Variants in CNIH3 observed in about 807,000 individuals in gnomAD.
CNIH3 encodes the protein protein cornichon homolog 3.
CNIH3 carries 14 observed loss-of-function variants against 24.1 expected under a neutral mutation model. The ratio of observed to expected loss-of-function variants is 0.58; its 90% CI spans 0.38 to 0.91. The LOEUF (loss-of-function observed/expected upper bound fraction) is 0.91, where lower values mean the gene tolerates loss of function less well. Ranked by LOEUF, CNIH3 falls within the 40% of genes least tolerant of loss-of-function variation. The pLI is 0.00. For missense variants in CNIH3, 178 were observed against 196.8 expected (o/e 0.90, Z 0.57); for synonymous variants, 68 against 73.8 (o/e 0.92, Z 0.40).
chr1:224,671,716 A>G (rs1685876415), intron 1 of CNIH3, among the ~76,000 whole-genome samples: 2 of 152,264 alleles, frequency 1.3e-5, no homozygotes, highest in African/African-American at 4.8e-5. Flanking sequence ...CAACTACTCC[A>G]TGACATCTGG....
intron 3 of CNIH3, among the ~76,000 whole-genome samples, chr1:224,600,660 C>A (rs892108524): frequency 6.6e-6 from 1 of 152,240 alleles, no homozygotes; most frequent in African/African-American, 2.4e-5. Context: ...CAGGCACCTG[C>A]CCCTCTGTGC....
intron 4 of CNIH3, among the ~76,000 whole-genome samples, chr1:224,571,500 G>A (rs189185266): frequency 1.3e-5 from 2 of 152,224 alleles, no homozygotes; most frequent in Admixed American, 6.5e-5. Flanking sequence ...TGAGGTGGAC[G>A]GATCACTTGA....
chr1:224,644,655 C>T (rs1684515946), intron 1 of CNIH3, among the ~76,000 whole-genome samples: 1 of 152,236 alleles, frequency 6.6e-6, no homozygotes, highest in South Asian at 2.1e-4. Context: ...AAGCAGATGA[C>T]TGTCCTTTAT....
rs1684340997 is a variant in CNIH3 at position 224,641,172 on chromosome 1, T to TACATC, written c.81+23918_81+23922dup. 3.3e-5 allele frequency among the ~76,000 whole-genome samples: 5 copies of TACATC among 152,270 alleles called. No individual in the cohort carries two copies. In the South Asian group the frequency reaches 1.0e-3, roughly 32 times the overall value. On this transcript the variant is annotated intron_variant, in intron 1 of 5. Coordinates refer to ENST00000272133, the MANE Select transcript of CNIH3 (RefSeq NM_152495.2). The stretch of plus-strand genomic sequence containing the variant: ...ATGCCTGGGCTAAGCCTCCTCGGCA[T>TACATC]ACATCGGCACTACCCTGCTGCTGCC...
rs368672487 is a variant in CNIH3, at chr1:224,731,730, A to G, written c.311+1156A>G. Among the ~76,000 whole-genome samples the G allele has an allele frequency of 1.1e-4, 17 of 152,376 alleles. No homozygotes were observed. The South Asian group carries it at 3.5e-3, about 32-fold the overall frequency. The stretch of plus-strand genomic sequence containing the variant: ...TGTTCTTAACAGACATATGAGGAAT[A>G]CTGGTAGGAGCATAGAGAAAGAAGC... On this transcript the variant is annotated intron_variant, in intron 4 of 5. Coordinates refer to ENST00000272133, the MANE Select transcript of CNIH3 (RefSeq NM_152495.2).
At chr1:224,600,317 G>A (rs1218158796) in intron 3 of CNIH3, among the ~76,000 whole-genome samples, 1 of 151,850 alleles carries the variant, frequency 6.6e-6, no homozygotes, top group Admixed American at 6.6e-5. Context: ...AGCCTCCCGA[G>A]TAGCTGTGAT....
At chr1:224,662,666 T>C (rs932113409) in intron 1 of CNIH3, among the ~76,000 whole-genome samples, 3 of 152,232 alleles carry the variant, frequency 2.0e-5, no homozygotes, top group African/African-American at 7.2e-5. Context: ...CTTGGACTTA[T>C]ATACTTAATT....
At chr1:224,484,171 CA>C (rs35380158) in intron 1 of CNIH3, among the ~76,000 whole-genome samples, 36 of 140,436 alleles carry the variant, frequency 2.6e-4, no homozygotes, top group Admixed American at 2.8e-4. Context: ...AACTCTGTCT[CA>C]AAAAAAAAAA....
chr1:224,666,227 A>G (rs1346965797), intron 1 of CNIH3, among the ~76,000 whole-genome samples: 1 of 152,146 alleles, frequency 6.6e-6, no homozygotes, highest in African/African-American at 2.4e-5. Flanking sequence ...CCATGAGCCC[A>G]GGTGATGGAC....
intron 3 of CNIH3, among the ~76,000 whole-genome samples, chr1:224,695,312 C>T (rs1687109571): frequency 6.6e-6 from 1 of 151,956 alleles, no homozygotes; most frequent in Admixed American, 6.6e-5. Context: ...CTTACCAAAT[C>T]TCTACAGTTG....
chr1:224,511,551 C>T (rs76476539), upstream of CNIH3, among the ~76,000 whole-genome samples: 37 of 152,262 alleles, frequency 2.4e-4, no homozygotes, highest in East Asian at 6.4e-3. Flanking sequence ...CTTCTTTCTT[C>T]CTAAATAAAA....
At chr1:224,637,558 G>A (rs1684155476) in intron 1 of CNIH3, among the ~76,000 whole-genome samples, 1 of 152,152 alleles carries the variant, frequency 6.6e-6, no homozygotes, top group African/African-American at 2.4e-5. Context: ...CTGGCCCCTT[G>A]ACTTGCCTTC....
chr1:224,562,044 C>G (rs949054914), intron 3 of CNIH3, among the ~76,000 whole-genome samples: 3 of 151,486 alleles, frequency 2.0e-5, no homozygotes, highest in African/African-American at 4.9e-5. Context: ...CACCATGTCA[C>G]TGAAAAGGAA....
chr1:224,439,358 C>T (rs941299602), intron 1 of CNIH3, among the ~76,000 whole-genome samples: 1 of 152,118 alleles, frequency 6.6e-6, no homozygotes, highest in Non-Finnish European at 1.5e-5. Flanking sequence ...AGGTGGAAAA[C>T]AGTCCTCTTC....
chr1:224,542,293 T>C (rs1032055027), downstream of CNIH3, among the ~76,000 whole-genome samples: 3 of 152,242 alleles, frequency 2.0e-5, no homozygotes, highest in Non-Finnish European at 2.9e-5. Context: ...ACAATAATTT[T>C]GGGCAATGAA....
chr1:224,621,431 GC>G (rs552793835), intron 1 of CNIH3, among the ~76,000 whole-genome samples: 73 of 152,302 alleles, frequency 4.8e-4, no homozygotes, highest in African/African-American at 1.7e-3. Flanking sequence ...ACAATAAATA[GC>G]CTGTTTTTTT....
chr1:224,439,053 C>T (rs755952975), intron 1 of CNIH3, among the ~76,000 whole-genome samples: 2 of 152,116 alleles, frequency 1.3e-5, no homozygotes, highest in African/African-American at 2.4e-5. Context: ...AGCTGTATTC[C>T]TCTGTAGCTC....
At chr1:224,560,024 C>G (rs561238153) in intron 3 of CNIH3, among the ~76,000 whole-genome samples, 2 of 152,096 alleles carry the variant, frequency 1.3e-5, no homozygotes, top group Non-Finnish European at 2.9e-5. Flanking sequence ...ATGTGTCACT[C>G]AGCATTGTAT....
At chr1:224,575,064 G>T (rs1301952281) in intron 4 of CNIH3, 1 of 872,892 alleles carries the variant, frequency 1.1e-6, no homozygotes, top group Non-Finnish European at 2.0e-6. Context: ...CATGGTGACT[G>T]CCTACAGCTC....
Sources: allele counts gnomAD v4.1 joint callset (sites outside exome capture counted in the v4.1 genomes callset), GRCh38; gene constraint gnomAD v4.1.1; transcripts MANE v1.5; gene names NCBI Gene and HGNC (gene_info 2026-07-23, HGNC 2026-07-21).